The following ABCG8 variants were observed in gnomAD, a reference collection of about 807,000 sequenced individuals.
ABCG8 encodes the protein ATP-binding cassette sub-family G member 8.
ABCG8 carries 81 observed loss-of-function variants against 71.3 expected under a neutral mutation model. That is an observed-to-expected ratio of 1.14 (90% CI 0.95 to 1.37). The LOEUF (loss-of-function observed/expected upper bound fraction) is 1.37. ABCG8 is among the 40% of genes most tolerant of loss of function. The probability of loss-of-function intolerance (pLI) is 0.00; values close to 1 mark genes in which losing one functional copy is unlikely to be tolerated. For missense variants in ABCG8, 1,119 were observed against 866.2 expected (o/e 1.29, Z -3.66); for synonymous variants, 451 against 354.7 (o/e 1.27, Z -3.05).
intron 3 of ABCG8, among the ~76,000 whole-genome samples, chr2:43,849,076 T>G (rs1008961190): frequency 3.3e-5 from 5 of 151,260 alleles, no homozygotes; most frequent in African/African-American, 1.2e-4. Flanking sequence ...CCCTAGGCAT[T>G]TTAGTTTCTT....
At chr2:43,844,937 C>G (rs112507026) in intron 2 of ABCG8, among the ~76,000 whole-genome samples, 36 of 152,094 alleles carry the variant, frequency 2.4e-4, no homozygotes, top group African/African-American at 8.7e-4. Context: ...AAAAATAACA[C>G]AGTGTTTCCA....
At position 43,874,399 on chromosome 2, in the gene ABCG8, C is replaced by G; in HGVS notation, c.1412-8C>G. ...CTTCATTCTCTTTTCCTTTCCCTTA[C>G]TTTTTAGGTTACTCAGAGAGGGCAA... On this transcript the variant is annotated splice_polypyrimidine_tract_variant and splice_region_variant and intron_variant, in intron 9 of 12. Transcript: ENST00000272286. The G allele has an allele frequency of 6.3e-7, 1 of 1,594,104 alleles. No homozygotes were observed. Among genetic ancestry groups the G allele is most frequent in the Middle Eastern group, 1.7e-4 (1 of 6,024 alleles).
At chr2:43,874,566 C>G in intron 10 of ABCG8, 83 bp downstream of exon 10, 3 of 1,165,706 alleles carry the variant, frequency 2.6e-6, no homozygotes, top group South Asian at 1.2e-5. Flanking sequence ...ACAAGGAAGG[C>G]TTTTCTGAAC....
intron 6 of ABCG8, among the ~76,000 whole-genome samples, chr2:43,854,209 G>T (rs1446690679): frequency 6.6e-6 from 1 of 152,204 alleles, no homozygotes; most frequent in Non-Finnish European, 1.5e-5. Flanking sequence ...GGATGCAAGA[G>T]CTACACGGGG....
At position 43,852,505 on chromosome 2, in the gene ABCG8, G is replaced by T. The variant is rs1275192035; in HGVS notation, c.694+19G>T. 6.2e-7 allele frequency: 1 copy of T among 1,613,674 alleles called. No individual in the cohort carries two copies. The highest frequency in any genetic ancestry group is 2.2e-5 in the East Asian group (1 of 44,856). ...AACCCAGGTGAGGGCCTGGGGGGCA[G>T]ATGGGGGCAGAGGGACCTGTGCGGT... On this transcript the variant is annotated intron_variant, in intron 5 of 12. Coordinates refer to ENST00000272286, the MANE Select transcript of ABCG8 (RefSeq NM_022437.3).
intron 9 of ABCG8, 113 bp downstream of exon 9, chr2:43,874,099 A>C: frequency 1.7e-6 from 2 of 1,168,354 alleles, no homozygotes; most frequent in Admixed American, 3.5e-5. Context: ...TATATAAGAC[A>C]ATAATGTTTT....
At chr2:43,864,370 A>T (rs985395806) in intron 6 of ABCG8, among the ~76,000 whole-genome samples, 1 of 151,642 alleles carries the variant, frequency 6.6e-6, no homozygotes, top group Non-Finnish European at 1.5e-5. Context: ...ACCTATCTGG[A>T]TATAATTCTC....
rs1481445799 is a variant in ABCG8, at chr2:43,872,083, G to A, written c.1072G>A (p.Asp358Asn). Residue 358 changes from aspartate (D) to asparagine (N), a missense_variant, in exon 7 of 13, where the codon GAC becomes AAC. Asp to Asn is a conservative substitution (Grantham distance 23). Coordinates refer to ENST00000272286, the MANE Select transcript of ABCG8 (RefSeq NM_022437.3). ...LFLEKVRDLD[D>N]FLWKAETKDL... ...TCTAGAAAAAGTGCGTGACTTAGATGACTTTCTATGGAAAGCAGAGACGAA... is the reference window on the plus strand; with the variant it reads ...TCTAGAAAAAGTGCGTGACTTAGATAACTTTCTATGGAAAGCAGAGACGAA... 1 of 1,614,004 alleles carries A rather than the reference G, an allele frequency of 6.2e-7. No homozygotes were observed. Among genetic ancestry groups the A allele is most frequent in the East Asian group, 2.2e-5 (1 of 44,894 alleles).
intron 11 of ABCG8, 111 bp from the exon 12 acceptor site, chr2:43,877,450 A>G: frequency 1.3e-6 from 2 of 1,548,984 alleles, no homozygotes; most frequent in Non-Finnish European, 1.8e-6. Context: ...AAATATGGGC[A>G]GACCATGGGA....
At chr2:43,846,670 C>T in intron 3 of ABCG8, 1 of 348,502 alleles carries the variant, frequency 2.9e-6, no homozygotes, top group Non-Finnish European at 5.6e-6. Context: ...TCAGGTTGTT[C>T]CTCCACAATC....
chr2:43,852,439 G>A lies in ABCG8; in HGVS notation c.647G>A (p.Gly216Asp), dbSNP rs775262569. 5 of 1,612,844 alleles carry A rather than the reference G, an allele frequency of 3.1e-6. No individual in the cohort carries two copies. In the African/African-American group the frequency reaches 6.7e-5, roughly 22 times the overall value. Residue 216 changes from glycine (G) to aspartate (D), a missense_variant, in exon 5 of 13, where the codon GGT (glycine) becomes GAT (aspartate). By Grantham distance (94) the Gly-to-Asp change is moderately conservative. Transcript: ENST00000272286. ...ATGTACGTGCGGGGGTTGTCGGGGG[G>A]TGAGCGCAGGAGAGTCAGCATTGGG... ...GNMYVRGLSGGERRRVSIGVQ... is the reference protein window; with the variant it reads ...GNMYVRGLSGDERRRVSIGVQ...
At chr2:43,845,655 T>C (rs995939517) in intron 2 of ABCG8, among the ~76,000 whole-genome samples, 4 of 152,132 alleles carry the variant, frequency 2.6e-5, no homozygotes, top group Non-Finnish European at 5.9e-5. Flanking sequence ...GGAGTCTCAT[T>C]CTGTCACCCA....
intron 3 of ABCG8, among the ~76,000 whole-genome samples, chr2:43,849,791 G>A (rs1257448599): frequency 6.6e-6 from 1 of 152,102 alleles, no homozygotes; most frequent in East Asian, 1.9e-4. Context: ...CATGTTCTCA[G>A]GGATCTTAAA....
intron 3 of ABCG8, 47 bp downstream of exon 3, chr2:43,846,358 C>T: frequency 6.2e-7 from 1 of 1,612,998 alleles, no homozygotes; most frequent in Non-Finnish European, 8.5e-7. Flanking sequence ...TCCTGGGATA[C>T]AGAATGGTCC....
At chr2:43,868,687 G>T (rs1055126284) in intron 6 of ABCG8, among the ~76,000 whole-genome samples, 9 of 150,898 alleles carry the variant, frequency 6.0e-5, no homozygotes, top group African/African-American at 2.2e-4. Flanking sequence ...TACTACTCTC[G>T]CTATCTGGAT....
chr2:43,871,340 C>G (rs1222524892), intron 6 of ABCG8, among the ~76,000 whole-genome samples: 2 of 151,132 alleles, frequency 1.3e-5, no homozygotes, highest in Non-Finnish European at 3.0e-5. Flanking sequence ...GGATAGAACT[C>G]TCACTATCTG....
chr2:43,844,964 C>T (rs1183769843), intron 2 of ABCG8, among the ~76,000 whole-genome samples: 1 of 151,892 alleles, frequency 6.6e-6, no homozygotes, highest in African/African-American at 2.4e-5. Flanking sequence ...CATTGTCCAG[C>T]TTCCCCTAAT....
chr2:43,860,667 C>T (rs1297015309), intron 6 of ABCG8, among the ~76,000 whole-genome samples: 1 of 148,700 alleles, frequency 6.7e-6, no homozygotes, highest in Non-Finnish European at 1.5e-5. Flanking sequence ...AGAATTGTCA[C>T]CATCTGGGTA....
At chr2:43,871,352 A>G (rs1342861219) in intron 6 of ABCG8, among the ~76,000 whole-genome samples, 21 of 150,724 alleles carry the variant, frequency 1.4e-4, no homozygotes, top group Admixed American at 1.4e-3. Context: ...CACTATCTGG[A>G]TAGAATGCTC....
Sources: allele counts gnomAD v4.1 joint callset (sites outside exome capture counted in the v4.1 genomes callset), GRCh38; gene constraint gnomAD v4.1.1; transcripts MANE v1.5; gene names NCBI Gene and HGNC (gene_info 2026-07-23, HGNC 2026-07-21).